RIMS2: variants seen among roughly 807,000 people sequenced by gnomAD.
RIMS2 encodes regulating synaptic membrane exocytosis protein 2.
A neutral mutation model predicts 174.4 loss-of-function variants in RIMS2; 59 were observed. That is an observed-to-expected ratio of 0.34 (90% CI 0.27 to 0.42). The LOEUF (loss-of-function observed/expected upper bound fraction) is 0.42, where lower values mean the gene tolerates loss of function less well. RIMS2 is among the 10% of genes least tolerant of loss of function. The pLI, the probability that RIMS2 is intolerant of heterozygous loss-of-function variation, is 1.00. For missense variants in RIMS2, 1,620 were observed against 1,666.3 expected (o/e 0.97, Z 0.48); for synonymous variants, 606 against 572.5 (o/e 1.06, Z -0.84).
In RIMS2 at chr8:103,601,278, C is replaced by T. The variant is rs144079444; in HGVS notation, c.177-95808C>T. 3.1e-3 allele frequency among the ~76,000 whole-genome samples: 466 copies of T among 152,100 alleles called. 2 individuals carry two copies. Among genetic ancestry groups the T allele is most frequent in the African/African-American group, 9.5e-3 (395 of 41,500 alleles). On this transcript the variant is annotated intron_variant, in intron 1 of 23. Coordinates refer to ENST00000504942, the Ensembl canonical transcript of RIMS2. Reference sequence around the variant, plus strand: ...GCTTATGGTGCATTGTTGAAGTCTCCAGCTATTATTTTATTTGGGCCTCTC... The same window carrying T: ...GCTTATGGTGCATTGTTGAAGTCTCTAGCTATTATTTTATTTGGGCCTCTC...
chr8:104,114,047 A>C (rs777468421), intron 19 of RIMS2, among the ~76,000 whole-genome samples: 4 of 152,028 alleles, frequency 2.6e-5, no homozygotes, highest in Non-Finnish European at 4.4e-5. Context: ...ACATTTAGAT[A>C]ATTAAAGACC....
intron 1 of RIMS2, among the ~76,000 whole-genome samples, chr8:103,562,919 A>G (rs993289173): frequency 2.0e-5 from 3 of 151,022 alleles, no homozygotes; most frequent in African/African-American, 7.3e-5. Flanking sequence ...TGGGGCTTCC[A>G]CCCTCTGAAG....
chr8:103,576,030 C>A (rs1563844348), intron 1 of RIMS2, among the ~76,000 whole-genome samples: 1 of 152,206 alleles, frequency 6.6e-6, no homozygotes, highest in Non-Finnish European at 1.5e-5. Context: ...CAACCAAACA[C>A]AAAGTGGGAG....
intron 19 of RIMS2, among the ~76,000 whole-genome samples, chr8:104,182,098 G>A (rs1311230073): frequency 6.6e-6 from 1 of 151,538 alleles, no homozygotes; most frequent in East Asian, 1.9e-4. Flanking sequence ...TTTGCCCTAG[G>A]GGATAAATAT....
intron 16 of RIMS2, among the ~76,000 whole-genome samples, chr8:103,978,189 CT>C (rs374610800): frequency 3.3e-4 from 51 of 152,310 alleles, no homozygotes; most frequent in African/African-American, 1.2e-3. Flanking sequence ...TTATACCACA[CT>C]TTACTTTTAT....
chr8:103,602,997 T>C (rs2094834919), intron 1 of RIMS2, among the ~76,000 whole-genome samples: 1 of 152,020 alleles, frequency 6.6e-6, no homozygotes, highest in Admixed American at 6.6e-5. Flanking sequence ...TTATTTTTAT[T>C]TTTTATTTTT....
chr8:103,606,531 G>C (rs1441547655), intron 1 of RIMS2, among the ~76,000 whole-genome samples: 3 of 152,164 alleles, frequency 2.0e-5, no homozygotes, highest in Non-Finnish European at 4.4e-5. Flanking sequence ...TTGGTGCAGA[G>C]CTGGGTTCAA....
chr8:103,650,905 C>T (rs1189885984), intron 1 of RIMS2, among the ~76,000 whole-genome samples: 2 of 152,222 alleles, frequency 1.3e-5, no homozygotes, highest in Non-Finnish European at 1.5e-5. Context: ...TTGTGAGGCA[C>T]CATGTAAGTG....
intron 19 of RIMS2, among the ~76,000 whole-genome samples, chr8:104,033,732 A>G (rs1320002723): frequency 6.6e-6 from 1 of 151,998 alleles, no homozygotes; most frequent in African/African-American, 2.4e-5. Flanking sequence ...AGTAAAAACA[A>G]TGTTAAATTT....
chr8:103,982,111 G>T (rs899747665), intron 16 of RIMS2, among the ~76,000 whole-genome samples: 9 of 152,190 alleles, frequency 5.9e-5, no homozygotes, highest in African/African-American at 2.2e-4. Context: ...GATAATTAGT[G>T]GCTGCTGTGA....
In RIMS2 at chr8:103,550,047, C is replaced by T. The variant is rs551811850; in HGVS notation, c.176+48985C>T. On this transcript the variant is annotated intron_variant, in intron 1 of 23. Coordinates refer to ENST00000504942, the Ensembl canonical transcript of RIMS2. ...TCACTGTCAACATTAGACAGATCAA[C>T]GAGAGAGAAAGTTAACAAGGATATC... Among the ~76,000 whole-genome samples, 663 of 152,170 alleles carry T rather than the reference C, an allele frequency of 4.4e-3. 6 individuals carry two copies. Among genetic ancestry groups the T allele is most frequent in the African/African-American group, 0.015 (618 of 41,514 alleles).
At chr8:103,811,806 A>G (rs2098689548) in intron 3 of RIMS2, among the ~76,000 whole-genome samples, 3 of 152,208 alleles carry the variant, frequency 2.0e-5, no homozygotes. Context: ...CTGGATTATT[A>G]AAGCAACCTA....
chr8:103,975,333 T>G lies in RIMS2; in HGVS notation c.2771-17T>G. ...GTACATACATAACTATAATATTTAT[T>G]AATTTTCTACCTTTAGATTATCGAC... On this transcript the variant is annotated splice_polypyrimidine_tract_variant and intron_variant, in intron 15 of 23. Transcript: ENST00000504942. 2 of 1,588,788 alleles carry G rather than the reference T, an allele frequency of 1.3e-6. No individual in the cohort carries two copies. The highest frequency in any genetic ancestry group is 2.7e-5 in the African/African-American group (2 of 74,202).
intron 19 of RIMS2, among the ~76,000 whole-genome samples, chr8:104,174,048 G>A (rs563637895): frequency 6.6e-6 from 1 of 151,888 alleles, no homozygotes; most frequent in East Asian, 1.9e-4. Context: ...CTTGGTTCAA[G>A]CAATTCTCCT....
At chr8:103,938,384 CT>C (rs1461465072) in intron 13 of RIMS2, among the ~76,000 whole-genome samples, 2 of 152,044 alleles carry the variant, frequency 1.3e-5, no homozygotes, top group African/African-American at 4.8e-5. Flanking sequence ...GGGAACTCCT[CT>C]TTATAAAACC....
intron 1 of RIMS2, 106 bp downstream of exon 2, chr8:103,652,343 T>A: frequency 1.7e-6 from 1 of 602,010 alleles, no homozygotes; most frequent in Non-Finnish European, 2.8e-6. Context: ...GCAGCTAGTG[T>A]GTCTTCTGCT....
At chr8:104,181,599 A>G (rs547831068) in intron 19 of RIMS2, among the ~76,000 whole-genome samples, 17 of 151,790 alleles carry the variant, frequency 1.1e-4, no homozygotes, top group African/African-American at 3.9e-4. Context: ...AATTCCACAA[A>G]TGTTTGTTTA....
intron 1 of RIMS2, among the ~76,000 whole-genome samples, chr8:103,672,245 A>G (rs2136382867): frequency 6.6e-6 from 1 of 152,234 alleles, no homozygotes; most frequent in East Asian, 1.9e-4. Flanking sequence ...TGTTGAACAG[A>G]AATTTATCTA....
chr8:104,095,789 A>G (rs765993828), intron 19 of RIMS2, among the ~76,000 whole-genome samples: 28 of 152,142 alleles, frequency 1.8e-4, no homozygotes, highest in Non-Finnish European at 2.9e-4. Flanking sequence ...TTGCCTTATT[A>G]TATCTAAGCC....
Sources: allele counts gnomAD v4.1 joint callset (sites outside exome capture counted in the v4.1 genomes callset), GRCh38; gene constraint gnomAD v4.1.1; transcripts MANE v1.5; gene names NCBI Gene and HGNC (gene_info 2026-07-23, HGNC 2026-07-21).